The following CLPX variants were observed in gnomAD, a reference collection of about 807,000 sequenced individuals.
The protein encoded by CLPX is ATP-dependent clpX-like chaperone, mitochondrial.
A neutral mutation model predicts 76.4 loss-of-function variants in CLPX; 34 were observed. That is an observed-to-expected ratio of 0.45 (90% CI 0.34 to 0.59). The LOEUF is 0.59. Among genes scored for constraint, CLPX ranks in the 20% least tolerant of loss-of-function variants. CLPX has a pLI of 0.01. For synonymous variants in CLPX, 248 were observed against 270.9 expected (o/e 0.92, Z 0.83); for missense variants, 613 against 757.0 (o/e 0.81, Z 2.23).
intron 12 of CLPX, among the ~76,000 whole-genome samples, chr15:65,152,907 TG>T (rs1428363521): frequency 1.7e-4 from 26 of 150,220 alleles, no homozygotes; most frequent in African/African-American, 6.4e-4. Context: ...TCTTTTTTTT[TG>T]TTTGTTTGTT....
At chr15:65,183,006 T>G (rs978079951) in intron 1 of CLPX, among the ~76,000 whole-genome samples, 4 of 149,202 alleles carry the variant, frequency 2.7e-5, no homozygotes, top group Non-Finnish European at 4.5e-5. Flanking sequence ...CTACTAAAAA[T>G]ATAAAAATTA....
intron 6 of CLPX, among the ~76,000 whole-genome samples, chr15:65,159,266 A>G (rs963610989): frequency 2.6e-5 from 4 of 152,246 alleles, no homozygotes; most frequent in African/African-American, 7.2e-5. Flanking sequence ...TATTAGAGAC[A>G]TAACACTTAA....
At chr15:65,178,162 T>C (rs2088114412) in intron 3 of CLPX, among the ~76,000 whole-genome samples, 1 of 152,184 alleles carries the variant, frequency 6.6e-6, no homozygotes, top group Non-Finnish European at 1.5e-5. Context: ...ATTGAGGGCT[T>C]ACCTCCTTTG....
At chr15:65,168,158 G>A (rs2087943605) in intron 3 of CLPX, among the ~76,000 whole-genome samples, 1 of 151,536 alleles carries the variant, frequency 6.6e-6, no homozygotes, top group Admixed American at 6.6e-5. Context: ...GGGAGGCCGA[G>A]GGGGACAGAT....
chr15:65,175,261 G>A (rs1430707785), intron 3 of CLPX, among the ~76,000 whole-genome samples: 1 of 152,310 alleles, frequency 6.6e-6, no homozygotes. Flanking sequence ...CAAGGCAGGT[G>A]AATCACCTGA....
rs138843437 is a variant in CLPX at position 65,150,739 on chromosome 15, G to A, written c.*84C>T. 5.7e-4 allele frequency: 490 copies of A among 863,998 alleles called. 1 individual carries two copies. In the African/African-American group the frequency reaches 7.0e-3, roughly 12 times the overall value. 53.5% of individuals were successfully genotyped at this position (863,998 alleles called of 1,614,324 possible). A position where few individuals can be genotyped will look rare whatever the true frequency, so the allele number is the denominator to read the frequency against. ...GTATGATATCCAAGATAGATCCAAT[G>A]CCTTTAATATCAGACTGTAGAGACA... is the stretch of plus-strand genomic sequence containing the variant. On this transcript the variant is annotated 3_prime_UTR_variant, in exon 14 of 14. Coordinates refer to ENST00000300107, the MANE Select transcript of CLPX (RefSeq NM_006660.5).
Position 65,154,978 on chromosome 15 carries a change from A to G in CLPX, c.1415T>C (p.Ile472Thr). 1.2e-6 allele frequency: 2 copies of G among 1,614,096 alleles called. No individual in the cohort carries two copies. Among genetic ancestry groups the G allele is most frequent in the South Asian group, 1.1e-5 (1 of 91,078 alleles). The change falls in exon 11 of 14, where the codon ATT (isoleucine) becomes ACT (threonine). Residue 472 changes from isoleucine to threonine, a missense_variant. Coordinates refer to ENST00000300107, the MANE Select transcript of CLPX (RefSeq NM_006660.5). ...RSGESNTHQDIEEKDRLLRHV... is the reference protein window; with the variant it reads ...RSGESNTHQDTEEKDRLLRHV... The stretch of plus-strand genomic sequence containing the variant: ...ACGCAATAACCGATCTTTTTCTTCA[A>G]TGTCTTGGTGAGTATTCGATTCCCC...
At position 65,180,160 on chromosome 15, in the gene CLPX, C is replaced by T. The variant is rs780719008; in HGVS notation, c.124G>A (p.Gly42Arg). The T allele has an allele frequency of 6.7e-5, 108 of 1,607,670 alleles. No individual in the cohort carries two copies. Among genetic ancestry groups the T allele is most frequent in the South Asian group, 3.0e-4 (27 of 89,916 alleles). The change falls in exon 2 of 14, where the codon GGG (glycine) becomes AGG (arginine). Residue 42 changes from glycine (G) to arginine (R), a missense_variant. Coordinates refer to ENST00000300107, the MANE Select transcript of CLPX (RefSeq NM_006660.5). ...TGCAGAATCTGAGTTTCAAATGTCCCAAGCCTTCCTAAAACTGACATATGA... is the reference window on the plus strand; with the variant it reads ...TGCAGAATCTGAGTTTCAAATGTCCTAAGCCTTCCTAAAACTGACATATGA... Reference protein sequence around the residue: ...RIHMSVLGRLGTFETQILQRA... With the variant: ...RIHMSVLGRLRTFETQILQRA...
At position 65,159,811 on chromosome 15, in the gene CLPX, CT is replaced by C. The variant is rs879755107; in HGVS notation, c.716-1061del. Among the ~76,000 whole-genome samples the C allele has an allele frequency of 7.6e-3, 1,075 of 141,054 alleles. 3 individuals are homozygous for C. The highest frequency in any genetic ancestry group is 0.015 in the Middle Eastern group (4 of 270). The allele number at this position is 141,054 out of a possible 152,430, so 92.5% of individuals were successfully genotyped here. A position where few individuals can be genotyped will look rare whatever the true frequency, so the allele number is the denominator to read the frequency against. ...TGAATTTATTTTTACATTTTCTTTT[CT>C]TTTTTTTTTTTTTATTTTGAGACAG... is the stretch of plus-strand genomic sequence containing the variant. On this transcript the variant is annotated intron_variant, in intron 6 of 13. Coordinates refer to ENST00000300107, the MANE Select transcript of CLPX (RefSeq NM_006660.5).
At position 65,158,613 on chromosome 15, in the gene CLPX, T is replaced by C; in HGVS notation, c.854A>G (p.Glu285Gly). Residue 285 changes from glutamate (E) to glycine (G), a missense_variant, in exon 7 of 14, where the codon GAA becomes GGA. By Grantham distance (98) the Glu-to-Gly change is moderately conservative. This residue lies in a region of CLPX where 450 missense variants were observed against 638.6 expected (regional missense o/e 0.70). Coordinates refer to ENST00000300107, the MANE Select transcript of CLPX (RefSeq NM_006660.5). ...TCCAAGCAGCAAAATATTACTTTTT[T>C]CAAGTTTTATGTCATCATGAGAAGA... ...LDSSHDDIKL[E>G]KSNILLLGPT... The C allele has an allele frequency of 1.2e-6, 2 of 1,612,818 alleles. No homozygotes were observed. The highest frequency in any genetic ancestry group is 1.7e-6 in the Non-Finnish European group (2 of 1,179,648).
At chr15:65,167,394 T>C (rs1226267297) in intron 3 of CLPX, among the ~76,000 whole-genome samples, 1 of 152,076 alleles carries the variant, frequency 6.6e-6, no homozygotes, top group Non-Finnish European at 1.5e-5. Flanking sequence ...TAAAACCTCT[T>C]TGAGAATATG....
Position 65,148,903 on chromosome 15 carries a change from T to G in CLPX, c.*1920A>C, listed in dbSNP as rs1412162049. The G allele has an allele frequency of 6.6e-6, 1 of 152,206 alleles. No homozygotes were observed. The highest frequency in any genetic ancestry group is 6.5e-5 in the Admixed American group (1 of 15,282). The allele number at this position is 152,206 out of a possible 1,614,324, so 9.4% of individuals were successfully genotyped here. ...TGGAATTAAATGATACAATTTTCAT[T>G]AAGACCCCAAATATCCCACCACTTT... On this transcript the variant is annotated 3_prime_UTR_variant, in exon 14 of 14. Coordinates refer to ENST00000300107, the MANE Select transcript of CLPX (RefSeq NM_006660.5).
rs1380620847 is a variant in CLPX at position 65,166,640 on chromosome 15, G to A, written c.504C>T (p.Pro168=). 1.9e-6 allele frequency: 3 copies of A among 1,613,872 alleles called. No individual in the cohort carries two copies. The Admixed American group carries it at 5.0e-5, about 27-fold the overall frequency. The change falls in exon 4 of 14, where the codon CCC becomes CCT. Residue 168 remains proline (P), a synonymous_variant. Transcript: ENST00000300107. ...AGCTTAAGACTTATACCTTCTTAGGGGGAGGTGGTGGTTTCTGTTGGAATG... is the reference window on the plus strand; with the variant it reads ...AGCTTAAGACTTATACCTTCTTAGGAGGAGGTGGTGGTTTCTGTTGGAATG... The part of the protein sequence containing the change: ...KLAFQQKPPP[P]PKKIYNYLDK...
In CLPX at chr15:65,180,260, G is replaced by A. The variant is rs945434184; in HGVS notation, c.80-56C>T. Reference sequence around the variant, plus strand: ...TAGACATGCCTCAATAAATCCCCTGGAAACAAAAATTCCTTGAGCATAAAG... The same window carrying A: ...TAGACATGCCTCAATAAATCCCCTGAAAACAAAAATTCCTTGAGCATAAAG... On this transcript the variant is annotated intron_variant, in intron 1 of 13. Coordinates refer to ENST00000300107, the MANE Select transcript of CLPX (RefSeq NM_006660.5). 2.6e-5 allele frequency: 35 copies of A among 1,363,176 alleles called. No homozygotes were observed. In the African/African-American group the frequency reaches 4.3e-4, roughly 17 times the overall value. The allele number at this position is 1,363,176 out of a possible 1,614,324, so 84.4% of individuals were successfully genotyped here. A position where few individuals can be genotyped will look rare whatever the true frequency, so the allele number is the denominator to read the frequency against.
Position 65,179,912 on chromosome 15 carries a change from T to C in CLPX, c.240+132A>G, listed in dbSNP as rs116316887. The C allele has an allele frequency of 7.5e-6, 4 of 532,950 alleles. No individual in the cohort carries two copies. The South Asian group carries it at 1.8e-4, about 24-fold the overall frequency. 33.0% of individuals were successfully genotyped at this position (532,950 alleles called of 1,614,324 possible). A position where few individuals can be genotyped will look rare whatever the true frequency, so the allele number is the denominator to read the frequency against. ...AAATGAAACATCTAATTACATAAAA[T>C]TATTCAGATCATTTTAGCTATCTCA... On this transcript the variant is annotated intron_variant, in intron 2 of 13. Transcript: ENST00000300107.
At chr15:65,160,374 T>C (rs1053359041) in intron 6 of CLPX, among the ~76,000 whole-genome samples, 1 of 152,164 alleles carries the variant, frequency 6.6e-6, no homozygotes, top group Admixed American at 6.5e-5. Context: ...ATGTTGTGCC[T>C]CATTATAATC....
intron 6 of CLPX, among the ~76,000 whole-genome samples, chr15:65,161,490 A>G (rs886911393): frequency 3.3e-5 from 5 of 152,182 alleles, no homozygotes; most frequent in Non-Finnish European, 7.4e-5. Flanking sequence ...CTTTTGAAAT[A>G]TTTGTTTCTA....
Position 65,185,232 on chromosome 15 carries a change from G to A in CLPX, c.-79C>T, listed in dbSNP as rs1047184562. 3 of 1,256,142 alleles carry A rather than the reference G, an allele frequency of 2.4e-6. No individual in the cohort carries two copies. Among genetic ancestry groups the A allele is most frequent in the Non-Finnish European group, 3.4e-6 (3 of 890,126 alleles). The allele number at this position is 1,256,142 out of a possible 1,614,324, so 77.8% of individuals were successfully genotyped here. A position where few individuals can be genotyped will look rare whatever the true frequency, so the allele number is the denominator to read the frequency against. On this transcript the variant is annotated 5_prime_UTR_variant, in exon 1 of 14. Transcript: ENST00000300107. ...GGCGTGAATCCTGCCCGCAAGGCGC[G>A]CTGACTCGGTTCCGAACCCTTTCGC...
At chr15:65,153,736 T>G in intron 11 of CLPX, 97 bp from the exon 12 acceptor site, 3 of 642,280 alleles carry the variant, frequency 4.7e-6, no homozygotes, top group Admixed American at 3.5e-5. Context: ...CATGGTGTTT[T>G]GGAACCCTGC....
Sources: allele counts gnomAD v4.1 joint callset (sites outside exome capture counted in the v4.1 genomes callset), GRCh38; gene constraint gnomAD v4.1.1; regional missense constraint gnomAD v4.1.1; transcripts MANE v1.5; gene names NCBI Gene and HGNC (gene_info 2026-07-23, HGNC 2026-07-21).